The following ZMIZ1 variants were observed in gnomAD, a reference collection of about 807,000 sequenced individuals.
ZMIZ1 encodes zinc finger MIZ domain-containing protein 1.
Under a neutral mutation model 113.9 loss-of-function variants are expected in ZMIZ1, and 17 were observed. The ratio of observed to expected loss-of-function variants is 0.15; its 90% CI spans 0.10 to 0.22. The LOEUF is 0.22. ZMIZ1 is among the 10% of genes least tolerant of loss of function. ZMIZ1 has a pLI of 1.00. For synonymous variants in ZMIZ1, 607 were observed against 603.1 expected, an observed-to-expected ratio of 1.01 and a Z score of -0.09; for missense variants, 1,059 against 1,477.8, an observed-to-expected ratio of 0.72 and a Z score of 4.65.
At chr10:79,292,544 A>G (rs1853565349) in intron 11 of ZMIZ1, among the ~76,000 whole-genome samples, 188 bp downstream of exon 11, 1 of 151,980 alleles carries the variant, frequency 6.6e-6, no homozygotes, top group Non-Finnish European at 1.5e-5. Flanking sequence ...GCATGTCTAG[A>G]ATGGGGCGTG....
At chr10:79,298,831 G>A (rs1412490815) in intron 15 of ZMIZ1, among the ~76,000 whole-genome samples, 2 of 152,232 alleles carry the variant, frequency 1.3e-5, no homozygotes, top group Non-Finnish European at 2.9e-5. Context: ...CAAGGAGGCG[G>A]GTGGAAGAAG....
chr10:79,245,982 A>G (rs966168707), intron 7 of ZMIZ1, among the ~76,000 whole-genome samples: 1 of 152,244 alleles, frequency 6.6e-6, no homozygotes, highest in Non-Finnish European at 1.5e-5. Flanking sequence ...ACAGAGGTGC[A>G]GTGAGGACAC....
At chr10:79,104,892 G>A (rs1211952234) in intron 1 of ZMIZ1, among the ~76,000 whole-genome samples, 1 of 151,954 alleles carries the variant, frequency 6.6e-6, no homozygotes, top group Non-Finnish European at 1.5e-5. Context: ...GAAACGATGG[G>A]CCTTGATTTC....
intron 1 of ZMIZ1, among the ~76,000 whole-genome samples, chr10:79,106,713 C>A (rs1843572503): frequency 6.6e-6 from 1 of 152,252 alleles, no homozygotes; most frequent in Non-Finnish European, 1.5e-5. Flanking sequence ...CATACCCACT[C>A]CCTGCTAGGG....
At chr10:79,248,736 T>C (rs1194590212) in intron 7 of ZMIZ1, among the ~76,000 whole-genome samples, 1 of 152,100 alleles carries the variant, frequency 6.6e-6, no homozygotes, top group African/African-American at 2.4e-5. Context: ...AGTCCTCTGC[T>C]CTCCTGGAAA....
intron 7 of ZMIZ1, among the ~76,000 whole-genome samples, chr10:79,241,931 G>A (rs1378250310): frequency 6.6e-6 from 1 of 152,158 alleles, no homozygotes; most frequent in African/African-American, 2.4e-5. Context: ...GACAGTCATG[G>A]CTGCCCTTCT....
chr10:79,197,894 A>G (rs1847910033), intron 4 of ZMIZ1, among the ~76,000 whole-genome samples: 1 of 152,160 alleles, frequency 6.6e-6, no homozygotes, highest in East Asian at 1.9e-4. Context: ...CCTTGAACAC[A>G]AGAAAATGAT....
At chr10:79,249,132 GC>G (rs1232950241) in intron 7 of ZMIZ1, among the ~76,000 whole-genome samples, 2 of 152,226 alleles carry the variant, frequency 1.3e-5, no homozygotes, top group African/African-American at 4.8e-5. Flanking sequence ...AGCCCAAGGA[GC>G]CCTTTTTCCT....
At chr10:79,279,995 T>TTC (rs1289127357) in intron 8 of ZMIZ1, among the ~76,000 whole-genome samples, 2 of 149,594 alleles carry the variant, frequency 1.3e-5, no homozygotes, top group Non-Finnish European at 3.0e-5. Context: ...ATTATTACTT[T>TTC]TTTTTTTTTT....
In ZMIZ1 at chr10:79,316,451, T is replaced by A. The variant is rs1482301774; in HGVS notation, c.*3702T>A. ...TGACTATTGCTAGACATTTCTATAC[T>A]CTGTTGTAACACTGAGGTATCTCAT... On this transcript the variant is annotated 3_prime_UTR_variant, in exon 25 of 25. Transcript: ENST00000334512. The A allele has an allele frequency of 6.5e-6, 1 of 152,822 alleles. No homozygotes were observed. The highest frequency in any genetic ancestry group is 1.5e-5 in the Non-Finnish European group (1 of 68,054). 9.5% of individuals were successfully genotyped at this position (152,822 alleles called of 1,614,324 possible).
At chr10:79,166,145 C>T (rs964276213) in intron 4 of ZMIZ1, among the ~76,000 whole-genome samples, 20 of 152,134 alleles carry the variant, frequency 1.3e-4, no homozygotes, top group African/African-American at 4.6e-4. Flanking sequence ...CTGCCTCCGC[C>T]GCCACACGCC....
intron 7 of ZMIZ1, among the ~76,000 whole-genome samples, chr10:79,233,670 T>C (rs1451323404): frequency 1.3e-5 from 2 of 151,236 alleles, no homozygotes; most frequent in African/African-American, 4.9e-5. Flanking sequence ...TTTTTTCCCC[T>C]CCTGGAGAGC....
At chr10:79,268,572 G>A (rs1851741272) in intron 7 of ZMIZ1, among the ~76,000 whole-genome samples, 1 of 152,244 alleles carries the variant, frequency 6.6e-6, no homozygotes, top group East Asian at 1.9e-4. Flanking sequence ...TGGCTGCATA[G>A]CATGTGCTAA....
intron 2 of ZMIZ1, among the ~76,000 whole-genome samples, chr10:79,132,982 A>T (rs7078520): frequency 0.35 from 53,545 of 151,948 alleles, 10,348 homozygotes; most frequent in South Asian, 0.59. Context: ...GCCCCCTCGC[A>T]GGCTCTGGGG....
At chr10:79,266,052 G>C (rs887068775) in intron 7 of ZMIZ1, among the ~76,000 whole-genome samples, 1 of 152,244 alleles carries the variant, frequency 6.6e-6, no homozygotes, top group Non-Finnish European at 1.5e-5. Context: ...GTCAAGACTG[G>C]CCTGCGCCCT....
In ZMIZ1 at chr10:79,312,684, C is replaced by T; in HGVS notation, c.3139C>T (p.Leu1047=). Residue 1047 remains leucine (L), a synonymous_variant, in exon 25 of 25, where the codon CTG becomes TTG. Coordinates refer to ENST00000334512, the MANE Select transcript of ZMIZ1 (RefSeq NM_020338.4). ...LTNPDELLSY[L]DPPDLPSNSN... is the part of the protein sequence containing the mutation. ...AAATCCTGACGAGCTCCTGTCTTAT[C>T]TGGACCCCCCCGACCTGCCGAGCAA... 6.2e-7 allele frequency: 1 copy of T among 1,614,236 alleles called. No homozygotes were observed. The highest frequency in any genetic ancestry group is 8.5e-7 in the Non-Finnish European group (1 of 1,180,030).
In ZMIZ1 at chr10:79,304,046, C is replaced by T. The variant is rs1854518645; in HGVS notation, c.2157C>T (p.Ser719=). The change falls in exon 19 of 25, where the codon TCC becomes TCT. Residue 719 remains serine (S), a synonymous_variant. Transcript: ENST00000334512. The part of the protein sequence containing the change: ...IKRNFSSVAA[S]SGNTTLNGED... ...GGAATTTCAGCAGCGTGGCTGCCTC[C>T]TCGGGCAACACGACCCTCAACGGGG... is the stretch of plus-strand genomic sequence containing the variant. 6.2e-7 allele frequency: 1 copy of T among 1,614,070 alleles called. No individual in the cohort carries two copies.
At chr10:79,090,699 A>T (rs183465003) in intron 1 of ZMIZ1, among the ~76,000 whole-genome samples, 52 of 152,334 alleles carry the variant, frequency 3.4e-4, no homozygotes, top group African/African-American at 1.2e-3. Context: ...TCACGGGTCC[A>T]TCTGGAGCAG....
intron 4 of ZMIZ1, among the ~76,000 whole-genome samples, chr10:79,166,628 C>G (rs888601507): frequency 6.6e-6 from 1 of 152,262 alleles, no homozygotes; most frequent in Non-Finnish European, 1.5e-5. Flanking sequence ...TGGTTGGAAA[C>G]CTGGCATCTC....
Sources: allele counts gnomAD v4.1 joint callset (sites outside exome capture counted in the v4.1 genomes callset), GRCh38; gene constraint gnomAD v4.1.1; transcripts MANE v1.5; gene names NCBI Gene and HGNC (gene_info 2026-07-23, HGNC 2026-07-21).